SLC9C2: variants seen among roughly 807,000 people sequenced by gnomAD.
The protein encoded by SLC9C2 is sodium/hydrogen exchanger 11.
SLC9C2 carries 75 observed loss-of-function variants against 140.2 expected under a neutral mutation model. The observed-to-expected ratio is 0.53, with a 90% CI of 0.44 to 0.65. The LOEUF is 0.65. Among genes scored for constraint, SLC9C2 ranks in the 30% least tolerant of loss-of-function variants. The probability of loss-of-function intolerance (pLI) is 0.00; values close to 1 mark genes in which losing one functional copy is unlikely to be tolerated. For missense variants in SLC9C2, 1,074 were observed against 1,331.8 expected (o/e 0.81, Z 3.01); for synonymous variants, 375 against 420.9 (o/e 0.89, Z 1.34).
chr1:173,526,773 T>G (rs1661232648), intron 18 of SLC9C2, 59 bp from the exon 19 acceptor site: 1 of 1,246,952 alleles, frequency 8.0e-7, no homozygotes. Flanking sequence ...CTGTAAGAAA[T>G]TAAGAAAAAC....
At chr1:173,507,715 AG>A in intron 24 of SLC9C2, among the ~76,000 whole-genome samples, 1 of 152,198 alleles carries the variant, frequency 6.6e-6, no homozygotes, top group East Asian at 1.9e-4. Context: ...ACTTGCACAC[AG>A]GGAGAACGCC....
rs1254964145 is a variant in SLC9C2, at chr1:173,592,738, C to T, written c.358-4908G>A. ...CAACTTTGCTGAAGTTATTTATCAG[C>T]TGAAGGAGATTTGGGGCTGAGATTA... On this transcript the variant is annotated intron_variant, in intron 4 of 27. Transcript: ENST00000367714. 2.6e-5 allele frequency among the ~76,000 whole-genome samples: 4 copies of T among 152,116 alleles called. No individual in the cohort carries two copies. The East Asian group carries it at 7.7e-4, about 29-fold the overall frequency.
intron 5 of SLC9C2, 88 bp downstream of exon 5, chr1:173,587,577 G>A (rs931387915): frequency 1.7e-5 from 21 of 1,226,732 alleles, no homozygotes; most frequent in Admixed American, 7.2e-5. Flanking sequence ...TCTTCTGGGT[G>A]CACAATTCAT....
At chr1:173,560,322 A>G (rs1258781484) in intron 9 of SLC9C2, among the ~76,000 whole-genome samples, 1 of 152,128 alleles carries the variant, frequency 6.6e-6, no homozygotes, top group Non-Finnish European at 1.5e-5. Flanking sequence ...CCATCCCCCA[A>G]CTGGTAGGGA....
intron 23 of SLC9C2, 112 bp from the exon 24 acceptor site, chr1:173,509,811 C>T: frequency 9.4e-7 from 1 of 1,067,010 alleles, no homozygotes; most frequent in Non-Finnish European, 1.3e-6. Flanking sequence ...TCAATTCTAG[C>T]ATAATTATGA....
At chr1:173,594,485 G>A (rs1196394761) in intron 4 of SLC9C2, among the ~76,000 whole-genome samples, 1 of 152,126 alleles carries the variant, frequency 6.6e-6, no homozygotes, top group Non-Finnish European at 1.5e-5. Flanking sequence ...CAAAAATTCA[G>A]GAGAAAGGAA....
chr1:173,526,741 TTTC>T (rs760174210), intron 18 of SLC9C2, 27 bp from the exon 19 acceptor site: 164 of 1,423,704 alleles, frequency 1.2e-4, no homozygotes, highest in Non-Finnish European at 1.4e-4. Flanking sequence ...AAAACATGTA[TTTC>T]TTATTATTCA....
At chr1:173,524,670 G>C (rs1042474530) in intron 20 of SLC9C2, 109 bp downstream of exon 20, 1 of 1,162,358 alleles carries the variant, frequency 8.6e-7, no homozygotes, top group African/African-American at 1.6e-5. Flanking sequence ...GGTGATTATA[G>C]AGTTAACACC....
chr1:173,524,815 G>T lies in SLC9C2; in HGVS notation c.2478C>A (p.Gly826=), dbSNP rs1661082111. 2 of 1,614,018 alleles carry T rather than the reference G, an allele frequency of 1.2e-6. No homozygotes were observed. Among genetic ancestry groups the T allele is most frequent in the East Asian group, 2.2e-5 (1 of 44,868 alleles). Residue 826 remains glycine (G), a synonymous_variant, in exon 20 of 28, where the codon GGC becomes GGA. Transcript: ENST00000367714. ...LKNLTFLCSR[G]IIDKHEVIEI... is the part of the protein sequence containing the mutation. ...CAATGACTTCATGCTTATCAATAAT[G>T]CCTCTTGAACAAAGGAAGGTGAGAT...
chr1:173,546,692 T>C (rs1169149521), intron 13 of SLC9C2, among the ~76,000 whole-genome samples: 2 of 152,158 alleles, frequency 1.3e-5, no homozygotes, highest in South Asian at 2.1e-4. Flanking sequence ...TATCAGTTCA[T>C]TGCAATGTGT....
rs1659240366 is a variant in SLC9C2 at position 173,501,180 on chromosome 1, C to G, written c.3372-83G>C. On this transcript the variant is annotated intron_variant, in intron 27 of 27. Transcript: ENST00000367714. ...TTACCTATTAAATGGAACCAGAAAA[C>G]TTATGTAGGCATTTCTATTTTATTA... 4 of 1,341,098 alleles carry G rather than the reference C, an allele frequency of 3.0e-6. No homozygotes were observed. The African/African-American group carries it at 4.5e-5, about 15-fold the overall frequency. 83.1% of individuals were successfully genotyped at this position (1,341,098 alleles called of 1,614,324 possible).
intron 5 of SLC9C2, among the ~76,000 whole-genome samples, chr1:173,586,888 G>A (rs1160917208): frequency 6.6e-6 from 1 of 152,086 alleles, no homozygotes; most frequent in Non-Finnish European, 1.5e-5. Context: ...GGGGGGTGGA[G>A]GTGAGGGGAG....
intron 3 of SLC9C2, among the ~76,000 whole-genome samples, chr1:173,599,548 G>T (rs995589564): frequency 2.0e-4 from 30 of 150,984 alleles, no homozygotes; most frequent in Middle Eastern, 6.9e-3. Context: ...CTAATTTTTT[G>T]TATTTTTTAG....
At chr1:173,567,586 T>C (rs1310542183) in intron 9 of SLC9C2, among the ~76,000 whole-genome samples, 3 of 152,192 alleles carry the variant, frequency 2.0e-5, no homozygotes, top group East Asian at 1.9e-4. Flanking sequence ...CAACAGATCA[T>C]TGGGTCTTGT....
intron 7 of SLC9C2, among the ~76,000 whole-genome samples, chr1:173,580,490 T>G (rs1665460622): frequency 6.6e-6 from 1 of 152,122 alleles, no homozygotes; most frequent in African/African-American, 2.4e-5. Context: ...TGGCTGGAAT[T>G]ACAGGCGTGC....
At chr1:173,567,073 T>C (rs1664519145) in intron 9 of SLC9C2, among the ~76,000 whole-genome samples, 1 of 152,122 alleles carries the variant, frequency 6.6e-6, no homozygotes, top group Admixed American at 6.5e-5. Flanking sequence ...TTAAGACTTG[T>C]TTTATGATCT....
chr1:173,566,597 G>A (rs1421487855), intron 9 of SLC9C2, among the ~76,000 whole-genome samples: 1 of 151,668 alleles, frequency 6.6e-6, no homozygotes, highest in African/African-American at 2.4e-5. Flanking sequence ...GTAAAGGTTT[G>A]TCATTTTTGT....
In SLC9C2 at chr1:173,575,501, T is replaced by C. The variant is rs1018744585; in HGVS notation, c.902+1160A>G. ...CAAGCTTCTGGATTTAAAAACACAG[T>C]AATGTTTCATTCACATACGCACAAA... is the stretch of plus-strand genomic sequence containing the variant. On this transcript the variant is annotated intron_variant, in intron 8 of 27. Coordinates refer to ENST00000367714, the MANE Select transcript of SLC9C2 (RefSeq NM_178527.4). Among the ~76,000 whole-genome samples, 7 of 152,180 alleles carry C rather than the reference T, an allele frequency of 4.6e-5. 1 individual carries two copies. Among genetic ancestry groups the C allele is most frequent in the Admixed American group, 1.3e-4 (2 of 15,282 alleles).
intron 22 of SLC9C2, among the ~76,000 whole-genome samples, chr1:173,519,864 G>A (rs1038904054): frequency 2.6e-5 from 4 of 152,008 alleles, no homozygotes; most frequent in African/African-American, 9.7e-5. Context: ...AAATAGGGTT[G>A]TTGGCCTGGT....
Sources: allele counts gnomAD v4.1 joint callset (sites outside exome capture counted in the v4.1 genomes callset), GRCh38; gene constraint gnomAD v4.1.1; transcripts MANE v1.5; gene names NCBI Gene and HGNC (gene_info 2026-07-23, HGNC 2026-07-21).